The following SLC8A1 variants were observed in gnomAD, a reference collection of about 807,000 sequenced individuals.
SLC8A1 encodes the protein sodium/calcium exchanger 1.
In SLC8A1, 18 loss-of-function variants were observed where a neutral mutation model predicts 68.3. That is an observed-to-expected ratio of 0.26 (90% confidence interval 0.18 to 0.39). The LOEUF is 0.39. Ranked by LOEUF, SLC8A1 falls within the 10% of genes least tolerant of loss-of-function variation. The probability of loss-of-function intolerance (pLI) is 1.00; values close to 1 mark genes in which losing one functional copy is unlikely to be tolerated. For synonymous variants in SLC8A1, 475 were observed against 415.5 expected (o/e 1.14, Z -1.74); for missense variants, 985 against 1,156.7 (o/e 0.85, Z 2.15).
intron 2 of SLC8A1, among the ~76,000 whole-genome samples, chr2:40,216,407 A>G (rs546291076): frequency 6.6e-6 from 1 of 152,214 alleles, no homozygotes; most frequent in African/African-American, 2.4e-5. Context: ...TCTATCATTG[A>G]TGGGCATTTG....
At chr2:40,296,857 A>T (rs543551832) in intron 2 of SLC8A1, among the ~76,000 whole-genome samples, 1 of 152,288 alleles carries the variant, frequency 6.6e-6, no homozygotes, top group Non-Finnish European at 1.5e-5. Flanking sequence ...TCACCCAGGT[A>T]GTTGACAAAG....
intron 2 of SLC8A1, among the ~76,000 whole-genome samples, chr2:40,408,894 T>C (rs1358543721): frequency 6.6e-6 from 1 of 151,572 alleles, no homozygotes; most frequent in Admixed American, 6.6e-5. Flanking sequence ...AAAAAAAATA[T>C]AGCCATAAGA....
chr2:40,338,824 G>T (rs192973870), intron 2 of SLC8A1, among the ~76,000 whole-genome samples: 4 of 152,186 alleles, frequency 2.6e-5, no homozygotes, highest in Non-Finnish European at 4.4e-5. Context: ...AAAATGCTAC[G>T]TTAATTACAC....
chr2:40,157,735 G>A (rs1368042954), intron 6 of SLC8A1, among the ~76,000 whole-genome samples: 1 of 152,188 alleles, frequency 6.6e-6, no homozygotes, highest in African/African-American at 2.4e-5. Flanking sequence ...TACTGGACTT[G>A]CCTTGCAAGT....
intron 1 of SLC8A1, among the ~76,000 whole-genome samples, chr2:40,483,701 T>C (rs1704784477): frequency 6.6e-6 from 1 of 152,214 alleles, no homozygotes; most frequent in African/African-American, 2.4e-5. Flanking sequence ...TCAGAAAACC[T>C]TCTTAAAAGA....
chr2:40,308,263 G>A (rs1990608), intron 2 of SLC8A1, among the ~76,000 whole-genome samples: 76,010 of 151,922 alleles, frequency 0.5, 21,216 homozygotes, highest in African/African-American at 0.74. Context: ...TCAAATTGGA[G>A]TGATATAAAC....
chr2:40,399,211 C>T (rs982587267), intron 2 of SLC8A1, among the ~76,000 whole-genome samples: 2 of 152,148 alleles, frequency 1.3e-5, no homozygotes, highest in African/African-American at 4.8e-5. Flanking sequence ...TTAAGCTTCC[C>T]AGCAAGAAAT....
At chr2:40,372,882 C>T (rs1575795662) in intron 2 of SLC8A1, among the ~76,000 whole-genome samples, 1 of 152,006 alleles carries the variant, frequency 6.6e-6, no homozygotes. Flanking sequence ...TAGCAAATTG[C>T]CTCACTCTAC....
At chr2:40,299,749 C>T (rs1051519700) in intron 2 of SLC8A1, among the ~76,000 whole-genome samples, 13 of 152,106 alleles carry the variant, frequency 8.5e-5, no homozygotes, top group African/African-American at 1.4e-4. Context: ...AAATGCAGTT[C>T]GGTGAAAGAG....
intron 2 of SLC8A1, among the ~76,000 whole-genome samples, chr2:40,248,271 T>C (rs946515686): frequency 4.6e-5 from 7 of 151,468 alleles, no homozygotes; most frequent in African/African-American, 1.7e-4. Flanking sequence ...AATGGCTGAA[T>C]GTTTATGTTT....
intron 2 of SLC8A1, among the ~76,000 whole-genome samples, chr2:40,394,449 G>A (rs1461709481): frequency 1.3e-5 from 2 of 151,840 alleles, no homozygotes; most frequent in African/African-American, 2.4e-5. Flanking sequence ...GTTAGTGTGT[G>A]TGTGTGCGTG....
At chr2:40,345,022 C>A (rs1575571140) in intron 2 of SLC8A1, among the ~76,000 whole-genome samples, 1 of 152,164 alleles carries the variant, frequency 6.6e-6, no homozygotes, top group East Asian at 1.9e-4. Flanking sequence ...CAAAAAGTGA[C>A]AAGAGGCTAT....
chr2:40,403,232 T>C (rs567014506), intron 2 of SLC8A1, among the ~76,000 whole-genome samples: 5 of 152,324 alleles, frequency 3.3e-5, no homozygotes, highest in African/African-American at 4.8e-5. Context: ...ATTCACCTTA[T>C]TCAAAAGCAA....
At chr2:40,141,803 T>A (rs745562226) in intron 6 of SLC8A1, among the ~76,000 whole-genome samples, 4 of 152,022 alleles carry the variant, frequency 2.6e-5, no homozygotes, top group African/African-American at 4.8e-5. Context: ...TTAGGGTGAG[T>A]TCTAACCCAA....
chr2:40,252,800 A>G (rs551267488), intron 2 of SLC8A1, among the ~76,000 whole-genome samples: 2 of 147,986 alleles, frequency 1.4e-5, no homozygotes, highest in Non-Finnish European at 3.0e-5. Flanking sequence ...ATGTGTGTGT[A>G]TATATGTACA....
At chr2:40,460,651 A>G (rs953605656) in intron 1 of SLC8A1, among the ~76,000 whole-genome samples, 1 of 151,452 alleles carries the variant, frequency 6.6e-6, no homozygotes, top group Admixed American at 6.6e-5. Context: ...ATGATCTGCA[A>G]CCTCCGCCTC....
chr2:40,287,141 G>C (rs532260010), intron 2 of SLC8A1, among the ~76,000 whole-genome samples: 1 of 152,176 alleles, frequency 6.6e-6, no homozygotes, highest in Non-Finnish European at 1.5e-5. Context: ...AAAAAAATAT[G>C]TAAGACTCAT....
intron 2 of SLC8A1, among the ~76,000 whole-genome samples, chr2:40,407,790 T>C (rs1285947114): frequency 6.6e-6 from 1 of 152,212 alleles, no homozygotes; most frequent in Non-Finnish European, 1.5e-5. Context: ...TAACCTTTTC[T>C]TGGAAGGACC....
chr2:40,177,728 G>T (rs150380165), intron 3 of SLC8A1: 1 of 1,386,190 alleles, frequency 7.2e-7, no homozygotes, highest in South Asian at 1.2e-5. Context: ...TTTCTCGCTG[G>T]TATGTCTTTG....
Sources: allele counts gnomAD v4.1 joint callset (sites outside exome capture counted in the v4.1 genomes callset), GRCh38; gene constraint gnomAD v4.1.1; transcripts MANE v1.5; gene names NCBI Gene and HGNC (gene_info 2026-07-23, HGNC 2026-07-21).